The following SVOP variants were observed in gnomAD, a reference collection of about 807,000 sequenced individuals.
SVOP encodes synaptic vesicle 2-related protein.
In SVOP, 17 loss-of-function variants were observed where a neutral mutation model predicts 69.1. The observed-to-expected ratio is 0.25, with a 90% CI of 0.17 to 0.37. The LOEUF (loss-of-function observed/expected upper bound fraction) is 0.37. SVOP is among the 10% of genes least tolerant of loss of function. SVOP has a pLI of 1.00. For synonymous variants in SVOP, 238 were observed against 238.6 expected (o/e 1.00, Z 0.02); for missense variants, 435 against 597.5 (o/e 0.73, Z 2.84).
chr12:108,999,990 C>CA (rs1276996669), intron 1 of SVOP, among the ~76,000 whole-genome samples: 1 of 144,770 alleles, frequency 6.9e-6, no homozygotes, highest in Non-Finnish European at 1.5e-5. Flanking sequence ...AATAGAGACA[C>CA]AAAAAACCCT....
At chr12:109,004,198 G>A (rs2040291105) in intron 1 of SVOP, among the ~76,000 whole-genome samples, 1 of 152,078 alleles carries the variant, frequency 6.6e-6, no homozygotes, top group East Asian at 1.9e-4. Context: ...AAAACAAGCT[G>A]GCTCACAATC....
At chr12:108,953,395 G>T (rs535805693) in intron 6 of SVOP, among the ~76,000 whole-genome samples, 3 of 148,930 alleles carry the variant, frequency 2.0e-5, no homozygotes, top group Admixed American at 6.7e-5. Flanking sequence ...TGATCTGCCC[G>T]CCTCAGCCTC....
intron 6 of SVOP, among the ~76,000 whole-genome samples, chr12:108,956,500 G>A (rs1029413072): frequency 5.3e-5 from 8 of 152,068 alleles, no homozygotes; most frequent in South Asian, 2.1e-4. Flanking sequence ...CAGCCTGCCC[G>A]CAACAGAGAC....
chr12:108,973,766 C>G (rs1375797193), intron 4 of SVOP, among the ~76,000 whole-genome samples: 1 of 152,122 alleles, frequency 6.6e-6, no homozygotes, highest in East Asian at 1.9e-4. Context: ...TTCTCAAGAA[C>G]GAGTTAGGAG....
chr12:109,004,738 ATTTCATTTAT>A (rs1185677215), intron 1 of SVOP, among the ~76,000 whole-genome samples: 4 of 97,300 alleles, frequency 4.1e-5, no homozygotes, highest in Non-Finnish European at 7.6e-5. Flanking sequence ...ATTTCATTTC[ATTTCATTTAT>A]TTTATTTTAG....
intron 2 of SVOP, among the ~76,000 whole-genome samples, chr12:108,979,367 G>A (rs2137435455): frequency 6.6e-6 from 1 of 152,204 alleles, no homozygotes; most frequent in African/African-American, 2.4e-5. Context: ...AGCCTCCCAA[G>A]TAGCTGGGAC....
Position 109,021,025 on chromosome 12 carries a change from C to G in SVOP, c.-157G>C. 1 of 557,626 alleles carries G rather than the reference C, an allele frequency of 1.8e-6. No homozygotes were observed. The allele number at this position is 557,626 out of a possible 1,614,324, so 34.5% of individuals were successfully genotyped here. On this transcript the variant is annotated 5_prime_UTR_variant, in exon 1 of 16. Coordinates refer to ENST00000610966, the MANE Select transcript of SVOP (RefSeq NM_018711.5). The stretch of plus-strand genomic sequence containing the variant: ...CGGGGAGGGAGCCGCTGGGGACCAG[C>G]CCACGAGACAAAGCCTCCGCCGCCA...
chr12:109,012,024 T>A (rs1053539768), intron 1 of SVOP, among the ~76,000 whole-genome samples: 31 of 152,170 alleles, frequency 2.0e-4, no homozygotes, highest in African/African-American at 7.0e-4. Context: ...GGCTCATGCC[T>A]CTAATCCCAG....
chr12:108,918,090 C>T lies in SVOP; in HGVS notation c.1303G>A (p.Ala435Thr), dbSNP rs1186618401. Residue 435 changes from alanine (A) to threonine (T), a missense_variant, in exon 14 of 16, where the codon GCG becomes ACG. Ala to Thr is a moderately conservative substitution (Grantham distance 58). Coordinates refer to ENST00000610966, the MANE Select transcript of SVOP (RefSeq NM_018711.5). ...VLTLLLFIARAFISGGFQAAY... is the reference protein window; with the variant it reads ...VLTLLLFIARTFISGGFQAAY... The stretch of plus-strand genomic sequence containing the variant: ...GCTTGAAAGCCTCCAGAAATAAACG[C>T]TCTTGCAATGAAGAGTAACAGAGTG... 8.9e-6 allele frequency: 14 copies of T among 1,580,686 alleles called. No homozygotes were observed. The highest frequency in any genetic ancestry group is 1.1e-5 in the Non-Finnish European group (13 of 1,163,064).
chr12:108,922,909 A>G, intron 11 of SVOP, 112 bp from the exon 12 acceptor site: 1 of 726,362 alleles, frequency 1.4e-6, no homozygotes, highest in Non-Finnish European at 2.4e-6. Context: ...TGCCATAGAA[A>G]GAGCCCAGAC....
intron 5 of SVOP, among the ~76,000 whole-genome samples, chr12:108,963,445 G>A (rs1013845034): frequency 1.3e-5 from 2 of 152,006 alleles, no homozygotes; most frequent in South Asian, 2.1e-4. Flanking sequence ...CAAAGAGTCC[G>A]TGAGGTGCCA....
Position 108,977,452 on chromosome 12 carries a change from T to G in SVOP, c.327A>C (p.Pro109=). The change falls in exon 4 of 16, where the codon CCA becomes CCC. Residue 109 remains proline, a synonymous_variant. Transcript: ENST00000610966. The part of the protein sequence containing the change: ...MEMMILSILA[P]QLHCEWRLPS... ...GGAGCCTCCACTCGCAATGCAGCTG[T>G]GGTGCCAGGATGCTGAGGATCATCA... The G allele has an allele frequency of 5.2e-6, 8 of 1,537,216 alleles. No individual in the cohort carries two copies. The highest frequency in any genetic ancestry group is 7.0e-6 in the Non-Finnish European group (8 of 1,146,874).
Position 108,978,491 on chromosome 12 carries a change from G to A in SVOP, c.282+87C>T, listed in dbSNP as rs145352176. 5,618 of 657,590 alleles carry A rather than the reference G, an allele frequency of 8.5e-3. 38 individuals are homozygous for A. The highest frequency in any genetic ancestry group is 0.011 in the Non-Finnish European group (4,039 of 365,278). The allele number at this position is 657,590 out of a possible 1,614,324, so 40.7% of individuals were successfully genotyped here. A position where few individuals can be genotyped will look rare whatever the true frequency, so the allele number is the denominator to read the frequency against. ...GCAAAGGCTCCATGTGCAAAGAACT[G>A]TGTCCTTCCTTGTAGGCCATGGAAA... On this transcript the variant is annotated intron_variant, in intron 3 of 15. Coordinates refer to ENST00000610966, the MANE Select transcript of SVOP (RefSeq NM_018711.5).
chr12:108,919,064 C>T (rs1348446739), intron 13 of SVOP, among the ~76,000 whole-genome samples: 1 of 144,108 alleles, frequency 6.9e-6, no homozygotes, highest in East Asian at 2.2e-4. Flanking sequence ...CACCCACACC[C>T]TACACCCACA....
chr12:108,962,340 C>G (rs545715859), intron 5 of SVOP, among the ~76,000 whole-genome samples: 1 of 152,294 alleles, frequency 6.6e-6, no homozygotes, highest in African/African-American at 2.4e-5. Context: ...ATCAAGTGAT[C>G]CACCCACCTC....
chr12:108,948,214 T>C (rs192026336), intron 6 of SVOP, among the ~76,000 whole-genome samples: 68 of 152,312 alleles, frequency 4.5e-4, no homozygotes, highest in African/African-American at 1.3e-3. Context: ...CCTTGTGAAC[T>C]TCTTCCCTGT....
At chr12:109,003,570 A>G (rs533190717) in intron 1 of SVOP, among the ~76,000 whole-genome samples, 1 of 152,294 alleles carries the variant, frequency 6.6e-6, no homozygotes, top group South Asian at 2.1e-4. Context: ...TGACCCTTGT[A>G]AAAAGTGACT....
intron 11 of SVOP, among the ~76,000 whole-genome samples, chr12:108,924,216 C>T (rs2039766982): frequency 6.6e-6 from 1 of 152,104 alleles, no homozygotes; most frequent in Non-Finnish European, 1.5e-5. Context: ...TCTACTGGTG[C>T]CTTGATTTTA....
At chr12:108,978,090 G>T (rs931455297) in intron 3 of SVOP, among the ~76,000 whole-genome samples, 8 of 152,160 alleles carry the variant, frequency 5.3e-5, no homozygotes, top group African/African-American at 1.9e-4. Context: ...GGGAAATGTT[G>T]TGGGGAAATT....
Sources: gnomAD v4.1 joint callset for allele counts (sites outside exome capture counted in the v4.1 genomes callset) on GRCh38, gnomAD v4.1.1 for gene constraint, MANE v1.5 for transcripts, NCBI Gene and HGNC (gene_info 2026-07-23, HGNC 2026-07-21) for gene names.